ROBO2: variants seen among roughly 807,000 people sequenced by gnomAD.
ROBO2 encodes the protein roundabout guidance receptor 2.
ROBO2 carries 53 observed loss-of-function variants against 160.8 expected under a neutral mutation model. The observed-to-expected ratio is 0.33, with a 90% CI of 0.26 to 0.41. The LOEUF (loss-of-function observed/expected upper bound fraction) is 0.41. Among genes scored for constraint, ROBO2 ranks in the 10% least tolerant of loss-of-function variants. The probability of loss-of-function intolerance (pLI) is 1.00; values close to 1 mark genes in which losing one functional copy is unlikely to be tolerated. For synonymous variants in ROBO2, 664 were observed against 611.7 expected (o/e 1.09, Z -1.26); for missense variants, 1,577 against 1,722.4 (o/e 0.92, Z 1.49).
chr3:77,588,611 A>T (rs2094111294), intron 16 of ROBO2, 140 bp from the exon 18 acceptor site: 1 of 783,030 alleles, frequency 1.3e-6, no homozygotes, highest in Non-Finnish European at 2.1e-6. Context: ...GGCTATGCTT[A>T]TCAATACTTG....
chr3:77,394,024 A>G (rs1328653345), intron 2 of ROBO2, among the ~76,000 whole-genome samples: 1 of 152,170 alleles, frequency 6.6e-6, no homozygotes, highest in Non-Finnish European at 1.5e-5. Context: ...GCCTCTCCTT[A>G]TAGAGTGAAC....
At chr3:76,070,844 G>T (rs1282448216) in intron 2 of ROBO2, among the ~76,000 whole-genome samples, 2 of 152,102 alleles carry the variant, frequency 1.3e-5, no homozygotes, top group Non-Finnish European at 2.9e-5. Flanking sequence ...GAATATCAGG[G>T]CAGATTCCCC....
chr3:76,577,720 A>G (rs1488512424), intron 2 of ROBO2, among the ~76,000 whole-genome samples: 1 of 152,150 alleles, frequency 6.6e-6, no homozygotes, highest in Admixed American at 6.5e-5. Flanking sequence ...ATTTGGATTT[A>G]GAAGTAAAAA....
intron 1 of ROBO2, among the ~76,000 whole-genome samples, chr3:77,094,064 C>T (rs1353108484): frequency 1.3e-5 from 2 of 151,928 alleles, no homozygotes; most frequent in African/African-American, 4.8e-5. Context: ...GTAATGCAAC[C>T]ATCACTGTAA....
At chr3:76,041,585 G>T (rs2067275670) in intron 2 of ROBO2, among the ~76,000 whole-genome samples, 1 of 152,004 alleles carries the variant, frequency 6.6e-6, no homozygotes, top group Admixed American at 6.5e-5. Flanking sequence ...ATCAATGAAT[G>T]TCTTTTCCAT....
chr3:76,877,364 A>G (rs1483068389), intron 2 of ROBO2, among the ~76,000 whole-genome samples: 1 of 152,190 alleles, frequency 6.6e-6, no homozygotes, highest in African/African-American at 2.4e-5. Flanking sequence ...TCCAAGCCTA[A>G]TTAATTTAGT....
At chr3:77,536,377 T>C (rs557121547) in intron 6 of ROBO2, among the ~76,000 whole-genome samples, 1 of 151,990 alleles carries the variant, frequency 6.6e-6, no homozygotes, top group Admixed American at 6.6e-5. Context: ...AATTTGTTTC[T>C]CTCTCTCTTT....
chr3:77,445,924 G>T (rs573936824), intron 2 of ROBO2, among the ~76,000 whole-genome samples: 19 of 150,974 alleles, frequency 1.3e-4, no homozygotes, highest in South Asian at 1.0e-3. Flanking sequence ...ATGACACGTA[G>T]TAATTGGGTC....
At chr3:77,186,828 A>T (rs1156248755) in intron 2 of ROBO2, among the ~76,000 whole-genome samples, 1 of 151,974 alleles carries the variant, frequency 6.6e-6, no homozygotes, top group Non-Finnish European at 1.5e-5. Context: ...AGCTAATTTT[A>T]AAAATGCTTT....
chr3:76,798,920 C>A (rs2063983233), intron 2 of ROBO2, among the ~76,000 whole-genome samples: 1 of 133,294 alleles, frequency 7.5e-6, no homozygotes, highest in Non-Finnish European at 1.6e-5. Context: ...CAACAACAAA[C>A]CCTGGATATA....
rs550416632 is a variant in ROBO2, at chr3:77,015,158, T to G, written c.110-82856T>G. 3.2e-4 allele frequency among the ~76,000 whole-genome samples: 49 copies of G among 152,142 alleles called. 1 individual carries two copies. The highest frequency in any genetic ancestry group is 3.1e-3 in the Admixed American group (48 of 15,280). ...ACTCATCATAAGAGCCCTAAGGAAA[T>G]AGTGTTTAAAATCAATTAACCAAAA... On this transcript the variant is annotated intron_variant, in intron 2 of 26. Coordinates refer to the ROBO2 transcript ENST00000487694.
chr3:77,080,381 A>G (rs188463585), intron 1 of ROBO2, among the ~76,000 whole-genome samples: 13 of 152,304 alleles, frequency 8.5e-5, no homozygotes, highest in South Asian at 8.3e-4. Context: ...TGGAATACAA[A>G]TTGGATTAAA....
At chr3:77,016,970 A>T (rs543850854) in intron 2 of ROBO2, among the ~76,000 whole-genome samples, 1 of 152,198 alleles carries the variant, frequency 6.6e-6, no homozygotes, top group African/African-American at 2.4e-5. Flanking sequence ...TTATGATCAG[A>T]TATCAGTAGA....
intron 2 of ROBO2, among the ~76,000 whole-genome samples, chr3:77,474,403 G>A (rs1383896257): frequency 6.6e-6 from 1 of 152,044 alleles, no homozygotes; most frequent in African/African-American, 2.4e-5. Flanking sequence ...CAAAGGGGAC[G>A]CTTTCCCTTG....
At chr3:76,891,276 G>A (rs2074325475) in intron 2 of ROBO2, among the ~76,000 whole-genome samples, 1 of 151,994 alleles carries the variant, frequency 6.6e-6, no homozygotes, top group Non-Finnish European at 1.5e-5. Context: ...ATCCAGTTTG[G>A]ATATTAAGAA....
intron 2 of ROBO2, among the ~76,000 whole-genome samples, chr3:77,414,280 C>A (rs939664170): frequency 1.3e-5 from 2 of 152,128 alleles, no homozygotes; most frequent in African/African-American, 2.4e-5. Context: ...TATGGGCCAC[C>A]TTTATAAAAG....
At chr3:76,082,924 G>T (rs1185014537) in intron 2 of ROBO2, among the ~76,000 whole-genome samples, 1 of 152,042 alleles carries the variant, frequency 6.6e-6, no homozygotes, top group Non-Finnish European at 1.5e-5. Flanking sequence ...ATCACCATGG[G>T]CATAGAGTAG....
chr3:77,462,322 C>T (rs996674325), intron 2 of ROBO2, among the ~76,000 whole-genome samples: 1 of 152,068 alleles, frequency 6.6e-6, no homozygotes, highest in Non-Finnish European at 1.5e-5. Flanking sequence ...AATAGGCCTT[C>T]AGTTAATGTT....
At chr3:77,619,552 C>T (rs901441185) in intron 22 of ROBO2, among the ~76,000 whole-genome samples, 1 of 152,092 alleles carries the variant, frequency 6.6e-6, no homozygotes, top group Non-Finnish European at 1.5e-5. Flanking sequence ...CATTACACAC[C>T]ATGGAGAATT....
Sources: gnomAD v4.1 joint callset for allele counts (sites outside exome capture counted in the v4.1 genomes callset) on GRCh38, gnomAD v4.1.1 for gene constraint, MANE v1.5 for transcripts, NCBI Gene and HGNC (gene_info 2026-07-23, HGNC 2026-07-21) for gene names.